The following FGF1 variants were observed in gnomAD, a reference collection of about 807,000 sequenced individuals.
FGF1 encodes the protein beta-endothelial cell growth factor.
In FGF1, 9 loss-of-function variants were observed where a neutral mutation model predicts 13.4. The observed-to-expected ratio is 0.67, with a 90% CI of 0.40 to 1.17. FGF1 has a LOEUF of 1.17. Among genes scored for constraint, FGF1 ranks in the 50% most tolerant of loss-of-function variants. The pLI is 0.01. For missense variants in FGF1, 156 were observed against 192.7 expected, an observed-to-expected ratio of 0.81 and a Z score of 1.13; for synonymous variants, 93 against 79.0, an observed-to-expected ratio of 1.18 and a Z score of -0.94.
chr5:142,606,440 C>T (rs1414505606), intron 2 of FGF1, among the ~76,000 whole-genome samples: 1 of 151,038 alleles, frequency 6.6e-6, no homozygotes. Context: ...CAGGGTGAAA[C>T]CCCGTCTCTA....
At chr5:142,601,183 A>G (rs1024000554) in intron 2 of FGF1, 10 of 490,626 alleles carry the variant, frequency 2.0e-5, no homozygotes, top group African/African-American at 3.9e-5. Context: ...CATCCCTGCA[A>G]TCTTGGGATG....
At chr5:142,652,821 G>T (rs182573279) in intron 1 of FGF1, among the ~76,000 whole-genome samples, 2 of 152,342 alleles carry the variant, frequency 1.3e-5, no homozygotes, top group East Asian at 3.9e-4. Context: ...CAGGCCCCGG[G>T]CGGGCAGGCT....
chr5:142,682,071 G>A (rs1773816149), intron 1 of FGF1, among the ~76,000 whole-genome samples: 1 of 150,810 alleles, frequency 6.6e-6, no homozygotes, highest in Admixed American at 6.6e-5. Context: ...CTTGTAAGCA[G>A]CCTTTTCTCC....
chr5:142,615,825 G>T (rs2151880033), intron 1 of FGF1, among the ~76,000 whole-genome samples: 1 of 152,314 alleles, frequency 6.6e-6, no homozygotes, highest in East Asian at 1.9e-4. Flanking sequence ...ACCATGAAAA[G>T]GTTTAGTGAC....
intron 2 of FGF1, among the ~76,000 whole-genome samples, chr5:142,605,580 G>T (rs1348310233): frequency 6.6e-6 from 1 of 152,186 alleles, no homozygotes; most frequent in East Asian, 1.9e-4. Context: ...AGGTAAACAA[G>T]AGCCAGAGGC....
At chr5:142,645,299 A>G (rs1218246049) in intron 1 of FGF1, among the ~76,000 whole-genome samples, 1 of 152,092 alleles carries the variant, frequency 6.6e-6, no homozygotes, top group Non-Finnish European at 1.5e-5. Context: ...AGGGCTTTTG[A>G]GCTACACCTC....
chr5:142,694,968 C>T (rs1047753394), intron 2 of FGF1, among the ~76,000 whole-genome samples: 4 of 152,148 alleles, frequency 2.6e-5, no homozygotes, highest in African/African-American at 9.7e-5. Flanking sequence ...CTCTCTGACC[C>T]ATCACCTGTG....
At chr5:142,646,681 A>G (rs1018137568) in intron 1 of FGF1, among the ~76,000 whole-genome samples, 1 of 151,158 alleles carries the variant, frequency 6.6e-6, no homozygotes, top group African/African-American at 2.4e-5. Flanking sequence ...TTTAGTAGAG[A>G]CGAGGTTTCA....
intron 1 of FGF1, among the ~76,000 whole-genome samples, chr5:142,628,120 G>C (rs1470741929): frequency 6.6e-6 from 1 of 152,182 alleles, no homozygotes; most frequent in Non-Finnish European, 1.5e-5. Context: ...AAAAGGCTTG[G>C]AGGTGAGTTA....
At chr5:142,629,312 C>T (rs539782289) in intron 1 of FGF1, among the ~76,000 whole-genome samples, 50 of 152,244 alleles carry the variant, frequency 3.3e-4, no homozygotes, top group African/African-American at 9.9e-4. Context: ...CGCACCACCA[C>T]GACCAGCTAA....
At chr5:142,694,284 A>G (rs1051839520) in intron 2 of FGF1, among the ~76,000 whole-genome samples, 2 of 151,410 alleles carry the variant, frequency 1.3e-5, no homozygotes, top group East Asian at 3.9e-4. Flanking sequence ...GTCACGACTC[A>G]CTCTCACTAT....
At chr5:142,694,592 C>T (rs1257137332) in intron 2 of FGF1, among the ~76,000 whole-genome samples, 1 of 152,164 alleles carries the variant, frequency 6.6e-6, no homozygotes, top group African/African-American at 2.4e-5. Context: ...AATTTGGTTG[C>T]CTTCCAAATC....
intron 1 of FGF1, among the ~76,000 whole-genome samples, chr5:142,647,281 T>G (rs2151965416): frequency 1.3e-5 from 2 of 152,334 alleles, no homozygotes; most frequent in Non-Finnish European, 2.9e-5. Flanking sequence ...CCTTACCAAC[T>G]AGCCCTCCTC....
intron 1 of FGF1, among the ~76,000 whole-genome samples, chr5:142,659,027 T>G (rs1469207410): frequency 6.6e-6 from 1 of 152,186 alleles, no homozygotes; most frequent in South Asian, 2.1e-4. Context: ...CCAACAATGC[T>G]GAAGCCTTGC....
chr5:142,634,449 C>T (rs1479044740), intron 1 of FGF1, among the ~76,000 whole-genome samples: 1 of 152,196 alleles, frequency 6.6e-6, no homozygotes. Context: ...GCATTCCAAA[C>T]GGTATCCTTG....
chr5:142,636,082 C>T (rs954607063), intron 1 of FGF1, among the ~76,000 whole-genome samples: 12 of 152,184 alleles, frequency 7.9e-5, no homozygotes, highest in Non-Finnish European at 1.8e-4. Flanking sequence ...AGTGAAGACT[C>T]CCCCTCCTTC....
chr5:142,607,851 A>G (rs1350452881), intron 2 of FGF1, among the ~76,000 whole-genome samples: 1 of 152,122 alleles, frequency 6.6e-6, no homozygotes, highest in Non-Finnish European at 1.5e-5. Context: ...AAACCTACAT[A>G]AAGGGGAGCC....
At chr5:142,660,159 A>G (rs1403128222) in intron 1 of FGF1, among the ~76,000 whole-genome samples, 1 of 152,196 alleles carries the variant, frequency 6.6e-6, no homozygotes, top group African/African-American at 2.4e-5. Context: ...GCAGCTGAAA[A>G]CCATCTTCAC....
intron 2 of FGF1, among the ~76,000 whole-genome samples, chr5:142,611,049 G>A (rs1329383668): frequency 6.6e-6 from 1 of 152,212 alleles, no homozygotes; most frequent in Admixed American, 6.5e-5. Flanking sequence ...TCTTTCTGAA[G>A]GAAGTCTTAA....
Sources: allele counts gnomAD v4.1 joint callset (sites outside exome capture counted in the v4.1 genomes callset), GRCh38; gene constraint gnomAD v4.1.1; transcripts MANE v1.5; gene names NCBI Gene and HGNC (gene_info 2026-07-23, HGNC 2026-07-21).